BTBD18: variants seen among roughly 807,000 people sequenced by gnomAD.
BTBD18 encodes the protein BTB/POZ domain-containing protein 18.
For synonymous variants in BTBD18, 311 were observed against 324.4 expected (o/e 0.96, Z 0.44); for missense variants, 787 against 846.3 (o/e 0.93, Z 0.87).
chr11:57,751,223 C>G lies in BTBD18; in HGVS notation c.-35G>C. 6.7e-7 allele frequency: 1 copy of G among 1,503,626 alleles called. No individual in the cohort carries two copies. 93.1% of individuals were successfully genotyped at this position (1,503,626 alleles called of 1,614,324 possible). On this transcript the variant is annotated 5_prime_UTR_variant, in exon 2 of 3. Transcript: ENST00000422652. ...AGTCTTAACAAACCTTCTAGGTTTT[C>G]ACAGATCAGACTCCTGTAGGTGAGA...
upstream of BTBD18, among the ~76,000 whole-genome samples, chr11:57,752,038 A>G (rs142926893): frequency 1.5e-4 from 23 of 152,162 alleles, no homozygotes; most frequent in Non-Finnish European, 2.5e-4. Context: ...TGCAGCAAGG[A>G]TAGTAAAGCA....
At chr11:57,749,627 G>T (rs1214245982) in intron 2 of BTBD18, among the ~76,000 whole-genome samples, 2 of 151,496 alleles carry the variant, frequency 1.3e-5, no homozygotes, top group East Asian at 3.9e-4. Flanking sequence ...GCATATCCCT[G>T]TAATCCCAGC....
At chr11:57,749,983 A>T (rs1279016682) in intron 2 of BTBD18, among the ~76,000 whole-genome samples, 4 of 152,196 alleles carry the variant, frequency 2.6e-5, no homozygotes, top group African/African-American at 9.6e-5. Context: ...GGTCTACTTT[A>T]TGCTGAATTA....
chr11:57,745,037 A>G lies in BTBD18; in HGVS notation c.1236T>C (p.Thr412=). The G allele has an allele frequency of 6.4e-7, 1 of 1,551,630 alleles. No homozygotes were observed. The highest frequency in any genetic ancestry group is 2.4e-5 in the East Asian group (1 of 40,912). Residue 412 remains threonine, a synonymous_variant, in exon 3 of 3, where the codon ACT becomes ACC. Coordinates refer to ENST00000422652, the MANE Select transcript of BTBD18 (RefSeq NM_001145101.3). ...GGGAGTCCTGACACAGTTCTGTTCTAGTAGGTGACATTTCCTGCTCATTAC... is the reference window on the plus strand; with the variant it reads ...GGGAGTCCTGACACAGTTCTGTTCTGGTAGGTGACATTTCCTGCTCATTAC... The part of the protein sequence containing the change: ...FSSNEQEMSP[T]RTELCQDSPM...
At chr11:57,747,397 A>G (rs994975408) in intron 2 of BTBD18, among the ~76,000 whole-genome samples, 3 of 152,230 alleles carry the variant, frequency 2.0e-5, no homozygotes, top group African/African-American at 7.2e-5. Flanking sequence ...CTCATTTTCT[A>G]CTTCAAAGTA....
Position 57,745,430 on chromosome 11 carries a change from G to A in BTBD18, c.843C>T (p.Ser281=). The change falls in exon 3 of 3, where the codon AGC becomes AGT. Residue 281 remains serine, a synonymous_variant. Coordinates refer to ENST00000422652, the MANE Select transcript of BTBD18 (RefSeq NM_001145101.3). ...GCACTGAGCTAGATCCACTTAAAATGCTGGAAGGCTTTGATGTACAGATAC... is the reference window on the plus strand; with the variant it reads ...GCACTGAGCTAGATCCACTTAAAATACTGGAAGGCTTTGATGTACAGATAC... The part of the protein sequence containing the change: ...SPGICTSKPS[S]ILSGSSSVPA... 1.9e-6 allele frequency: 3 copies of A among 1,551,538 alleles called. No homozygotes were observed. The highest frequency in any genetic ancestry group is 2.6e-6 in the Non-Finnish European group (3 of 1,146,992).
Position 57,745,293 on chromosome 11 carries a change from G to C in BTBD18, c.980C>G (p.Ser327Cys). 2 of 1,551,696 alleles carry C rather than the reference G, an allele frequency of 1.3e-6. No homozygotes were observed. The highest frequency in any genetic ancestry group is 1.7e-4 in the Middle Eastern group (1 of 5,992). ...GCTCCCACCTGTCTTTCCCAGACCAGATGGGTTTGGGGTGCTCTGCAGAGG... is the reference window on the plus strand; with the variant it reads ...GCTCCCACCTGTCTTTCCCAGACCACATGGGTTTGGGGTGCTCTGCAGAGG... ...ASPLQSTPNP[S>C]GLGKTGGSRK... The change falls in exon 3 of 3, where the codon TCT becomes TGT. Residue 327 changes from serine to cysteine, a missense_variant. By Grantham distance (112) the Ser-to-Cys change is moderately radical. Coordinates refer to ENST00000422652, the MANE Select transcript of BTBD18 (RefSeq NM_001145101.3).
At chr11:57,749,285 C>G (rs1949251223) in intron 2 of BTBD18, among the ~76,000 whole-genome samples, 1 of 152,156 alleles carries the variant, frequency 6.6e-6, no homozygotes, top group Non-Finnish European at 1.5e-5. Flanking sequence ...CAGTGTTTAG[C>G]ATACAACAGG....
chr11:57,752,497 C>T (rs946148537), upstream of BTBD18, among the ~76,000 whole-genome samples: 5 of 151,958 alleles, frequency 3.3e-5, no homozygotes, highest in East Asian at 9.7e-4. Context: ...TGCACTCCAG[C>T]CTGGGCGACA....
intron 2 of BTBD18, among the ~76,000 whole-genome samples, chr11:57,750,002 A>G (rs1036381030): frequency 6.6e-6 from 1 of 152,164 alleles, no homozygotes; most frequent in African/African-American, 2.4e-5. Flanking sequence ...TAACATTTCC[A>G]GTGTGAAGTG....
chr11:57,751,971 G>T (rs1300038430), upstream of BTBD18, among the ~76,000 whole-genome samples: 1 of 152,110 alleles, frequency 6.6e-6, no homozygotes, highest in African/African-American at 2.4e-5. Flanking sequence ...GACTGACCCT[G>T]GTAGTAGGCA....
Position 57,745,676 on chromosome 11 carries a change from G to A in BTBD18, c.597C>T (p.Asp199=). Residue 199 remains aspartate, a synonymous_variant, in exon 3 of 3, where the codon GAC becomes GAT. Coordinates refer to ENST00000422652, the MANE Select transcript of BTBD18 (RefSeq NM_001145101.3). ...TGAGCAGAAGAGTGCCAGACAAATTGTCTGCATTCTGTCGGTTGTTTTCCT... is the reference window on the plus strand; with the variant it reads ...TGAGCAGAAGAGTGCCAGACAAATTATCTGCATTCTGTCGGTTGTTTTCCT... ...GPQENNRQNA[D]NLSGTLLLKR... 1 of 1,551,656 alleles carries A rather than the reference G, an allele frequency of 6.4e-7. No individual in the cohort carries two copies. Among genetic ancestry groups the A allele is most frequent in the Non-Finnish European group, 8.7e-7 (1 of 1,146,980 alleles).
At chr11:57,746,519 G>C (rs1032303555) in intron 2 of BTBD18, among the ~76,000 whole-genome samples, 10 of 151,810 alleles carry the variant, frequency 6.6e-5, no homozygotes, top group African/African-American at 2.2e-4. Flanking sequence ...TAGTAGAGAC[G>C]GGGTTTCACC....
rs917715761 is a variant in BTBD18 at position 57,745,109 on chromosome 11, A to G, written c.1164T>C (p.Asp388=). 6.4e-7 allele frequency: 1 copy of G among 1,551,528 alleles called. No individual in the cohort carries two copies. Among genetic ancestry groups the G allele is most frequent in the African/African-American group, 1.4e-5 (1 of 73,022 alleles). The stretch of plus-strand genomic sequence containing the variant: ...AAGGCTCTTGGAAGTCTCCTCCGGG[A>G]TCTGGGATCTGGGGGCTATCTTGAG... The part of the protein sequence containing the change: ...KNTQDSPQIP[D]PGGDFQEPSG... The change falls in exon 3 of 3, where the codon GAT becomes GAC. Residue 388 remains aspartate (D), a synonymous_variant. Coordinates refer to ENST00000422652, the MANE Select transcript of BTBD18 (RefSeq NM_001145101.3).
intron 2 of BTBD18, among the ~76,000 whole-genome samples, chr11:57,749,363 C>T (rs922943563): frequency 6.6e-6 from 1 of 152,166 alleles, no homozygotes; most frequent in Non-Finnish European, 1.5e-5. Context: ...CTAAGAGAAG[C>T]AGCAGGCAAA....
Position 57,745,090 on chromosome 11 carries a change from C to G in BTBD18, c.1183G>C (p.Glu395Gln). 2 of 1,551,678 alleles carry G rather than the reference C, an allele frequency of 1.3e-6. No homozygotes were observed. Among genetic ancestry groups the G allele is most frequent in the East Asian group, 4.9e-5 (2 of 40,920 alleles). The change falls in exon 3 of 3, where the codon GAG becomes CAG. Residue 395 changes from glutamate to glutamine, a missense_variant. Coordinates refer to ENST00000422652, the MANE Select transcript of BTBD18 (RefSeq NM_001145101.3). ...GAGAATGGCTGAGTTCCTGAAGGCTCTTGGAAGTCTCCTCCGGGATCTGGG... is the reference window on the plus strand; with the variant it reads ...GAGAATGGCTGAGTTCCTGAAGGCTGTTGGAAGTCTCCTCCGGGATCTGGG... Reference protein sequence around the residue: ...QIPDPGGDFQEPSGTQPFSSN... With the variant: ...QIPDPGGDFQQPSGTQPFSSN...
chr11:57,746,079 C>A lies in BTBD18; in HGVS notation c.194G>T (p.Arg65Leu), dbSNP rs576891132. The change falls in exon 3 of 3, where the codon CGG becomes CTG. Residue 65 changes from arginine (R) to leucine (L), a missense_variant. Arg to Leu is a moderately radical substitution (Grantham distance 102). Coordinates refer to ENST00000422652, the MANE Select transcript of BTBD18 (RefSeq NM_001145101.3). ...CSPFFTERLE[R>L]ERPAQGGKVV... ...CTTCCCACCCTGAGCTGGCCTCTCC[C>A]GCTCCAGGCGCTCTGTGAAGAAGGG... The A allele has an allele frequency of 1.9e-6, 3 of 1,551,514 alleles. No individual in the cohort carries two copies. In the Admixed American group the frequency reaches 5.9e-5, roughly 30 times the overall value.
chr11:57,748,931 T>C (rs907739002), intron 2 of BTBD18, among the ~76,000 whole-genome samples: 1 of 152,214 alleles, frequency 6.6e-6, no homozygotes, highest in African/African-American at 2.4e-5. Flanking sequence ...CTCTGGTCAA[T>C]ACATGTTTTA....
chr11:57,747,685 G>C (rs888285599), intron 2 of BTBD18, among the ~76,000 whole-genome samples: 2 of 152,068 alleles, frequency 1.3e-5, no homozygotes, highest in African/African-American at 4.8e-5. Context: ...TTTTAGTAGA[G>C]ACAGGGTTTC....
Sources: gnomAD v4.1 joint callset for allele counts (sites outside exome capture counted in the v4.1 genomes callset) on GRCh38, gnomAD v4.1.1 for gene constraint, MANE v1.5 for transcripts, NCBI Gene and HGNC (gene_info 2026-07-23, HGNC 2026-07-21) for gene names.